KCNT2: variants seen among roughly 807,000 people sequenced by gnomAD.
KCNT2 encodes potassium channel subfamily T member 2.
In KCNT2, 67 loss-of-function variants were observed where a neutral mutation model predicts 153.8. The observed-to-expected ratio is 0.44, with a 90% CI of 0.36 to 0.53. The LOEUF is 0.53. KCNT2 is among the 20% of genes least tolerant of loss of function. The probability of loss-of-function intolerance (pLI) is 0.00; values close to 1 mark genes in which losing one functional copy is unlikely to be tolerated. For synonymous variants in KCNT2, 500 were observed against 458.8 expected (o/e 1.09, Z -1.15); for missense variants, 975 against 1,354.8 (o/e 0.72, Z 4.40).
chr1:196,463,796 C>T (rs1396920197), intron 8 of KCNT2, among the ~76,000 whole-genome samples: 2 of 151,630 alleles, frequency 1.3e-5, no homozygotes, highest in East Asian at 1.9e-4. Flanking sequence ...ACCTATACTA[C>T]CCAAAAAATA....
chr1:196,432,652 T>C (rs978070308), intron 8 of KCNT2, among the ~76,000 whole-genome samples: 12 of 152,094 alleles, frequency 7.9e-5, no homozygotes, highest in Non-Finnish European at 1.5e-4. Context: ...AATAAGAATA[T>C]CTATCCCATG....
intron 14 of KCNT2, among the ~76,000 whole-genome samples, chr1:196,350,700 T>C (rs565487350): frequency 6.6e-6 from 1 of 152,326 alleles, no homozygotes; most frequent in African/African-American, 2.4e-5. Flanking sequence ...AGAAGCTCTT[T>C]AGTTTAATTA....
intron 17 of KCNT2, 111 bp downstream of exon 17, chr1:196,333,736 C>A: frequency 1.5e-6 from 1 of 678,962 alleles, no homozygotes; most frequent in South Asian, 1.7e-5. Context: ...CTAGGATGTT[C>A]AGAAGGAAAG....
intron 8 of KCNT2, among the ~76,000 whole-genome samples, chr1:196,452,989 T>C (rs369762859): frequency 1.1e-4 from 17 of 152,138 alleles, no homozygotes; most frequent in African/African-American, 4.1e-4. Context: ...GGGAACCCTG[T>C]CGCCCAGTGA....
chr1:196,511,217 AG>A, intron 1 of KCNT2, among the ~76,000 whole-genome samples: 1 of 152,148 alleles, frequency 6.6e-6, no homozygotes, highest in East Asian at 1.9e-4. Context: ...AAGCCAGAAA[AG>A]AAAATAAGAA....
intron 13 of KCNT2, among the ~76,000 whole-genome samples, chr1:196,391,251 C>T (rs1670463071): frequency 6.6e-6 from 1 of 151,350 alleles, no homozygotes; most frequent in Non-Finnish European, 1.5e-5. Flanking sequence ...CTGGAATTGA[C>T]ACCTATTACA....
intron 16 of KCNT2, among the ~76,000 whole-genome samples, chr1:196,334,483 C>CTTTGTTTTTTTTTTTTTTTTTTTTTTT: frequency 2.4e-5 from 1 of 42,340 alleles, no homozygotes; most frequent in Admixed American, 2.2e-4. Flanking sequence ...TTCTTTCTTT[C>CTTTGTTTTTTTTTTTTTTTTTTTTTTT]TTTCTTTTTT....
chr1:196,580,868 T>C (rs1661951542), intron 1 of KCNT2, among the ~76,000 whole-genome samples: 2 of 152,170 alleles, frequency 1.3e-5, no homozygotes, highest in African/African-American at 2.4e-5. Context: ...AAGTACATCA[T>C]GGAAAAGCTG....
intron 25 of KCNT2, among the ~76,000 whole-genome samples, chr1:196,273,188 T>A (rs547838637): frequency 2.7e-4 from 41 of 151,962 alleles, no homozygotes; most frequent in African/African-American, 9.9e-4. Flanking sequence ...TGATAATATC[T>A]TGAAATATCT....
chr1:196,244,522 G>A (rs1258284668), intron 26 of KCNT2, among the ~76,000 whole-genome samples: 1 of 152,096 alleles, frequency 6.6e-6, no homozygotes, highest in Non-Finnish European at 1.5e-5. Flanking sequence ...TCTGACTGAA[G>A]AGCATGTGGG....
At chr1:196,332,090 C>T (rs1664521352) in intron 17 of KCNT2, among the ~76,000 whole-genome samples, 1 of 152,046 alleles carries the variant, frequency 6.6e-6, no homozygotes, top group Non-Finnish European at 1.5e-5. Context: ...AATTTACCTG[C>T]TAAGCCATAA....
chr1:196,562,625 GA>G (rs369736338), intron 1 of KCNT2, among the ~76,000 whole-genome samples: 9 of 150,720 alleles, frequency 6.0e-5, no homozygotes, highest in African/African-American at 2.2e-4. Flanking sequence ...GGAACTGGGG[GA>G]AAAAAACAAA....
At chr1:196,375,770 T>A (rs150447421) in intron 13 of KCNT2, among the ~76,000 whole-genome samples, 7,535 of 151,746 alleles carry the variant, frequency 0.05, 280 homozygotes, top group Non-Finnish European at 0.072. Flanking sequence ...GAGTACTGGA[T>A]CAGAGAAAAT....
At chr1:196,424,802 A>C (rs1022297042) in intron 11 of KCNT2, among the ~76,000 whole-genome samples, 2 of 151,766 alleles carry the variant, frequency 1.3e-5, no homozygotes, top group South Asian at 2.1e-4. Context: ...TGCAGCACAA[A>C]GGAGTCCAGA....
At chr1:196,491,453 G>C (rs954472041) in intron 2 of KCNT2, among the ~76,000 whole-genome samples, 1 of 151,914 alleles carries the variant, frequency 6.6e-6, no homozygotes, top group African/African-American at 2.4e-5. Flanking sequence ...TTTGACAAGA[G>C]GATTTGGAGG....
At chr1:196,541,282 A>G (rs1656330150) in intron 1 of KCNT2, among the ~76,000 whole-genome samples, 1 of 152,098 alleles carries the variant, frequency 6.6e-6, no homozygotes, top group Non-Finnish European at 1.5e-5. Flanking sequence ...AAAAAAACAG[A>G]AATAAAATGA....
intron 13 of KCNT2, among the ~76,000 whole-genome samples, chr1:196,389,172 C>A (rs1450744249): frequency 6.6e-6 from 1 of 151,520 alleles, no homozygotes; most frequent in Non-Finnish European, 1.5e-5. Context: ...CTATTGTAAC[C>A]TTGGGATAAA....
At chr1:196,417,087 T>A (rs1257108648) in intron 12 of KCNT2, among the ~76,000 whole-genome samples, 1 of 152,086 alleles carries the variant, frequency 6.6e-6, no homozygotes, top group Middle Eastern at 3.2e-3. Flanking sequence ...AAATTTTTTT[T>A]AAAACAATAT....
chr1:196,235,031 C>T (rs1376938634), intron 27 of KCNT2, among the ~76,000 whole-genome samples: 1 of 151,488 alleles, frequency 6.6e-6, no homozygotes, highest in Non-Finnish European at 1.5e-5. Context: ...TTGTTACATA[C>T]TTGCTCATAT....
Sources: allele counts gnomAD v4.1 joint callset (sites outside exome capture counted in the v4.1 genomes callset), GRCh38; gene constraint gnomAD v4.1.1; transcripts MANE v1.5; gene names NCBI Gene and HGNC (gene_info 2026-07-23, HGNC 2026-07-21).